Variants in DAB1 observed in about 807,000 individuals in gnomAD.
The protein encoded by DAB1 is disabled homolog 1.
In DAB1, 15 loss-of-function variants were observed where a neutral mutation model predicts 64.6. That is an observed-to-expected ratio of 0.23 (90% CI 0.16 to 0.36). DAB1 has a LOEUF of 0.36. Among genes scored for constraint, DAB1 ranks in the 10% least tolerant of loss-of-function variants. The pLI is 1.00. For synonymous variants in DAB1, 235 were observed against 251.9 expected (o/e 0.93, Z 0.64); for missense variants, 596 against 706.7 (o/e 0.84, Z 1.78).
chr1:57,245,356 T>G (rs532278742), intron 2 of DAB1, among the ~76,000 whole-genome samples: 1 of 152,150 alleles, frequency 6.6e-6, no homozygotes. Context: ...TAGGTATACA[T>G]GTGCATTGTT....
chr1:58,122,597 T>TAA (rs145918583), intron 5 of DAB1, among the ~76,000 whole-genome samples: 36 of 147,522 alleles, frequency 2.4e-4, no homozygotes, highest in Admixed American at 6.8e-4. Context: ...TTATTTGTTG[T>TAA]AAAAAAAAAA....
intron 5 of DAB1, among the ~76,000 whole-genome samples, chr1:58,091,925 AG>A (rs201162002): frequency 0.013 from 1,707 of 133,128 alleles, 28 homozygotes; most frequent in African/African-American, 0.057. Context: ...GGATGCTTTG[AG>A]CTGCATTAAA....
chr1:58,327,930 T>C (rs1313569099), intron 4 of DAB1, among the ~76,000 whole-genome samples: 2 of 152,206 alleles, frequency 1.3e-5, no homozygotes, highest in African/African-American at 4.8e-5. Flanking sequence ...CAAGGAAAGA[T>C]TGACATCTCC....
chr1:58,017,898 T>C (rs1646763274), intron 5 of DAB1, among the ~76,000 whole-genome samples: 1 of 152,232 alleles, frequency 6.6e-6, no homozygotes, highest in Non-Finnish European at 1.5e-5. Context: ...CCAGCCCTCC[T>C]TGAGGCTGCA....
chr1:57,269,277 T>C (rs1670811395), intron 2 of DAB1, among the ~76,000 whole-genome samples: 1 of 152,070 alleles, frequency 6.6e-6, no homozygotes, highest in Non-Finnish European at 1.5e-5. Context: ...AGCCTTGCCA[T>C]GCAGGGATGG....
At chr1:57,706,413 C>A (rs895414227) in intron 6 of DAB1, among the ~76,000 whole-genome samples, 21 of 152,072 alleles carry the variant, frequency 1.4e-4, no homozygotes, top group African/African-American at 5.1e-4. Context: ...CTCAGGTGAT[C>A]AATCCTCAAT....
chr1:57,166,503 A>T (rs1661222414), intron 2 of DAB1, among the ~76,000 whole-genome samples: 1 of 152,280 alleles, frequency 6.6e-6, no homozygotes, highest in East Asian at 1.9e-4. Context: ...GAACAATAGA[A>T]GTCATGGCCC....
chr1:57,357,944 A>G (rs1245621166), intron 1 of DAB1, among the ~76,000 whole-genome samples: 1 of 152,034 alleles, frequency 6.6e-6, no homozygotes, highest in Non-Finnish European at 1.5e-5. Context: ...GGGTGGAGAC[A>G]CAGGCAAACC....
chr1:58,072,561 G>A (rs1176113128), intron 5 of DAB1, among the ~76,000 whole-genome samples: 2 of 152,206 alleles, frequency 1.3e-5, no homozygotes, highest in African/African-American at 4.8e-5. Context: ...GTGTGTGACA[G>A]AGTAGGAATC....
chr1:57,403,780 G>C (rs1230561400), intron 1 of DAB1, among the ~76,000 whole-genome samples: 3 of 152,096 alleles, frequency 2.0e-5, no homozygotes, highest in African/African-American at 7.2e-5. Context: ...ATGCTGTCCA[G>C]TATAATAGCC....
intron 5 of DAB1, among the ~76,000 whole-genome samples, chr1:57,948,718 A>G (rs548893589): frequency 1.3e-5 from 2 of 152,280 alleles, no homozygotes; most frequent in African/African-American, 4.8e-5. Flanking sequence ...CTGGGGAAGG[A>G]TATGTTCTCT....
intron 2 of DAB1, among the ~76,000 whole-genome samples, chr1:57,239,276 A>G (rs1668332076): frequency 1.3e-5 from 2 of 152,200 alleles, no homozygotes; most frequent in African/African-American, 4.8e-5. Context: ...TGCCACAGTC[A>G]TCTTTTATCC....
intron 7 of DAB1, among the ~76,000 whole-genome samples, chr1:57,478,498 A>T (rs1472367933): frequency 6.6e-6 from 1 of 151,952 alleles, no homozygotes; most frequent in Non-Finnish European, 1.5e-5. Context: ...ATGAGTGCCT[A>T]CTATATGCAA....
chr1:57,401,447 A>G (rs1683235835), intron 1 of DAB1, among the ~76,000 whole-genome samples: 1 of 152,224 alleles, frequency 6.6e-6, no homozygotes, highest in Admixed American at 6.5e-5. Flanking sequence ...CAACACACAT[A>G]CAAACACCCA....
Position 57,930,620 on chromosome 1 carries a change from T to C in DAB1, n.388-46458A>G, listed in dbSNP as rs191957829. 6.3e-4 allele frequency among the ~76,000 whole-genome samples: 96 copies of C among 152,342 alleles called. 2 individuals are homozygous for C. The highest frequency in any genetic ancestry group is 2.3e-3 in the African/African-American group (96 of 41,580). ...TTGTCAGATTTACAACTAAGTATTT[T>C]TTAGGTGTGCTAATTGATATTGTGT... On this transcript the variant is annotated intron_variant and non_coding_transcript_variant, in intron 5 of 20. Coordinates refer to the DAB1 transcript ENST00000485760.
chr1:57,184,967 C>T (rs80071112), intron 2 of DAB1, among the ~76,000 whole-genome samples: 3,006 of 152,236 alleles, frequency 0.02, 40 homozygotes, highest in Middle Eastern at 0.027. Flanking sequence ...GATGGACAAA[C>T]AGGGATCACA....
In DAB1 at chr1:57,142,338, T is replaced by G. The variant is rs536442306; in HGVS notation, c.207+2952A>C. Among the ~76,000 whole-genome samples, 152 of 152,312 alleles carry G rather than the reference T, an allele frequency of 1.0e-3. 1 individual carries two copies. The South Asian group carries it at 0.023, about 23-fold the overall frequency. ...AAGGGTAAGAGGTATTTTGTACTTCTCTCTTACTTTCCTGGCAGATGGCCA... is the reference window on the plus strand; with the variant it reads ...AAGGGTAAGAGGTATTTTGTACTTCGCTCTTACTTTCCTGGCAGATGGCCA... On this transcript the variant is annotated intron_variant, in intron 3 of 14. Coordinates refer to ENST00000371236, the MANE Select transcript of DAB1 (RefSeq NM_001365792.1).
At chr1:58,102,990 G>T (rs912132136) in intron 5 of DAB1, among the ~76,000 whole-genome samples, 1 of 152,064 alleles carries the variant, frequency 6.6e-6, no homozygotes, top group African/African-American at 2.4e-5. Flanking sequence ...TACTTCACTG[G>T]ATAGAACTGT....
intron 5 of DAB1, among the ~76,000 whole-genome samples, chr1:57,910,389 T>G (rs2102007616): frequency 6.6e-6 from 1 of 152,348 alleles, no homozygotes; most frequent in South Asian, 2.1e-4. Flanking sequence ...CAAAGCTAGT[T>G]TAATTATAGG....
Sources: allele counts gnomAD v4.1 joint callset (sites outside exome capture counted in the v4.1 genomes callset), GRCh38; gene constraint gnomAD v4.1.1; transcripts MANE v1.5; gene names NCBI Gene and HGNC (gene_info 2026-07-23, HGNC 2026-07-21).